The following PIGN variants were observed in gnomAD, a reference collection of about 807,000 sequenced individuals.
The protein encoded by PIGN is phosphatidylinositol glycan anchor biosynthesis class N.
Under a neutral mutation model 125.4 loss-of-function variants are expected in PIGN, and 117 were observed. That is an observed-to-expected ratio of 0.93 (90% confidence interval 0.80 to 1.09). The LOEUF is 1.09. Ranked by LOEUF, PIGN falls within the 50% of genes least tolerant of loss-of-function variation. The pLI, the probability that PIGN is intolerant of heterozygous loss-of-function variation, is 0.00. For synonymous variants in PIGN, 392 were observed against 377.8 expected, an observed-to-expected ratio of 1.04 and a Z score of -0.44; for missense variants, 1,075 against 1,094.9, an observed-to-expected ratio of 0.98 and a Z score of 0.26.
At chr18:62,105,443 G>A in intron 20 of PIGN, 100 bp downstream of exon 20, 1 of 707,672 alleles carries the variant, frequency 1.4e-6, no homozygotes, top group East Asian at 2.8e-5. Flanking sequence ...TAGTTCACAT[G>A]ATTTTATATT....
At chr18:62,109,667 T>G (rs1173071208) in intron 17 of PIGN, among the ~76,000 whole-genome samples, 167 bp downstream of exon 17, 1 of 152,188 alleles carries the variant, frequency 6.6e-6, no homozygotes, top group Non-Finnish European at 1.5e-5. Flanking sequence ...GTTTATATCC[T>G]ACTCAACATT....
intron 30 of PIGN, among the ~76,000 whole-genome samples, chr18:62,053,837 C>T (rs1420487819): frequency 2.0e-5 from 3 of 152,120 alleles, no homozygotes; most frequent in Non-Finnish European, 4.4e-5. Flanking sequence ...CAAGATAGAT[C>T]ATATTCTGGG....
intron 4 of PIGN, among the ~76,000 whole-genome samples, chr18:62,160,235 A>G (rs972182990): frequency 6.6e-6 from 1 of 152,244 alleles, no homozygotes; most frequent in Admixed American, 6.5e-5. Context: ...TAATCTCTCC[A>G]TAACAGCATT....
intron 1 of PIGN, among the ~76,000 whole-genome samples, chr18:62,177,224 C>G (rs2037557193): frequency 1.3e-5 from 2 of 152,058 alleles, no homozygotes; most frequent in African/African-American, 4.8e-5. Context: ...TTTCTTTCTG[C>G]TTCTATAATT....
At chr18:62,100,939 A>G (rs2034411583) in intron 22 of PIGN, 136 bp downstream of exon 22, 1 of 657,140 alleles carries the variant, frequency 1.5e-6, no homozygotes, top group East Asian at 2.7e-5. Flanking sequence ...CAAGAGATAG[A>G]AATAATAGCC....
intron 14 of PIGN, among the ~76,000 whole-genome samples, chr18:62,131,905 A>T: frequency 6.6e-6 from 1 of 152,214 alleles, no homozygotes; most frequent in Admixed American, 6.5e-5. Context: ...GGTGAAATTA[A>T]TCATGTCACG....
downstream of PIGN, among the ~76,000 whole-genome samples, chr18:62,038,308 G>GTTGT (rs757939930): frequency 8.3e-6 from 1 of 120,088 alleles, no homozygotes; most frequent in African/African-American, 3.3e-5. Context: ...CCCCCTCCGT[G>GTTGT]TTTTTTTTTT....
intron 30 of PIGN, among the ~76,000 whole-genome samples, chr18:62,065,466 T>C (rs372052318): frequency 2.6e-3 from 392 of 152,090 alleles, no homozygotes; most frequent in East Asian, 7.4e-3. Flanking sequence ...TGGCGGGGCG[T>C]GGTGGCTCAC....
rs1422620353 is a variant in PIGN, at chr18:62,109,900, G to T, written c.1508C>A (p.Ala503Asp). The change falls in exon 17 of 31, where the codon GCC becomes GAC. Residue 503 changes from alanine (A) to aspartate (D), a missense_variant. Ala to Asp is a moderately radical substitution (Grantham distance 126, BLOSUM62 -2). Coordinates refer to ENST00000640252, the MANE Select transcript of PIGN (RefSeq NM_176787.5). ...ATATACATAATATGTCCAGGGACAG[G>T]CTTGAATCAGCAGAAAAAATGCTAC... ...ILVAFFLLIQ[A>D]CPWTYYVYGL... is the part of the protein sequence containing the mutation. The T allele has an allele frequency of 1.9e-6, 3 of 1,612,812 alleles. No individual in the cohort carries two copies. The highest frequency in any genetic ancestry group is 2.5e-6 in the Non-Finnish European group (3 of 1,179,164).
At chr18:62,019,698 T>C (rs1039299270) in intron 23 of PIGN, among the ~76,000 whole-genome samples, 1 of 152,218 alleles carries the variant, frequency 6.6e-6, no homozygotes, top group Non-Finnish European at 1.5e-5. Flanking sequence ...AATTTCCCAA[T>C]ATAGCACACT....
chr18:62,142,857 C>A (rs2036187010), intron 11 of PIGN, among the ~76,000 whole-genome samples: 1 of 152,122 alleles, frequency 6.6e-6, no homozygotes, highest in South Asian at 2.1e-4. Flanking sequence ...AATTTATAAT[C>A]TCATCATTTT....
intron 30 of PIGN, among the ~76,000 whole-genome samples, chr18:62,050,520 A>C (rs1219488347): frequency 6.6e-6 from 1 of 151,188 alleles, no homozygotes; most frequent in Non-Finnish European, 1.5e-5. Context: ...TTGGTGTATA[A>C]GAATGCTTGT....
chr18:62,176,775 G>GA (rs1381256489), intron 1 of PIGN, among the ~76,000 whole-genome samples: 1 of 151,956 alleles, frequency 6.6e-6, no homozygotes, highest in African/African-American at 2.4e-5. Context: ...GAAAATAGTG[G>GA]AAAAACTAGT....
rs72941823 is a variant in PIGN, at chr18:62,110,217, T to C, written c.1435-244A>G. The C allele has an allele frequency of 0.19, 69,023 of 368,592 alleles. 8,047 individuals carry two copies. Among genetic ancestry groups the C allele is most frequent in the Non-Finnish European group, 0.24 (49,652 of 203,572 alleles). 22.8% of individuals were successfully genotyped at this position (368,592 alleles called of 1,614,324 possible). ...AAGCAATTCTCAACTTAAAAGTGACTATGGCCTTAAAGTTTGTTTGCAAGT... is the reference window on the plus strand; with the variant it reads ...AAGCAATTCTCAACTTAAAAGTGACCATGGCCTTAAAGTTTGTTTGCAAGT... On this transcript the variant is annotated intron_variant, in intron 16 of 30. Coordinates refer to ENST00000640252, the MANE Select transcript of PIGN (RefSeq NM_176787.5).
Position 62,158,055 on chromosome 18 carries a change from G to A in PIGN, c.222-247C>T, listed in dbSNP as rs1277014105. 11 of 356,440 alleles carry A rather than the reference G, an allele frequency of 3.1e-5. No homozygotes were observed. In the East Asian group the frequency reaches 5.2e-4, roughly 17 times the overall value. The allele number at this position is 356,440 out of a possible 1,614,324, so 22.1% of individuals were successfully genotyped here. On this transcript the variant is annotated intron_variant, in intron 4 of 30. Coordinates refer to ENST00000640252, the MANE Select transcript of PIGN (RefSeq NM_176787.5). ...CCATTCAACCACTGCACAGAATCAT[G>A]AAACAAAATACATGATTGTTGTTTT...
chr18:62,155,329 G>A (rs901029998), intron 6 of PIGN, among the ~76,000 whole-genome samples: 12 of 152,150 alleles, frequency 7.9e-5, no homozygotes, highest in Non-Finnish European at 1.6e-4. Flanking sequence ...TATTTTGGGA[G>A]GCCGAGGCAG....
At chr18:62,090,292 CTGTGA>C (rs1461384200) in intron 24 of PIGN, among the ~76,000 whole-genome samples, 179 bp downstream of exon 24, 1 of 152,058 alleles carries the variant, frequency 6.6e-6, no homozygotes, top group Non-Finnish European at 1.5e-5. Context: ...TTGTGCTTTT[CTGTGA>C]TAAGTAAAAA....
At chr18:62,148,067 T>A in intron 8 of PIGN, 147 bp downstream of exon 8, 1 of 539,558 alleles carries the variant, frequency 1.9e-6, no homozygotes, top group Non-Finnish European at 3.1e-6. Context: ...ATTGGAAATC[T>A]CATATAATTG....
At chr18:62,054,662 T>G (rs767969226) in intron 30 of PIGN, among the ~76,000 whole-genome samples, 1 of 151,876 alleles carries the variant, frequency 6.6e-6, no homozygotes, top group Non-Finnish European at 1.5e-5. Context: ...CAGCTAATTT[T>G]TGTATTTTCT....
Sources: allele counts gnomAD v4.1 joint callset (sites outside exome capture counted in the v4.1 genomes callset), GRCh38; gene constraint gnomAD v4.1.1; transcripts MANE v1.5; gene names NCBI Gene and HGNC (gene_info 2026-07-23, HGNC 2026-07-21).